Variants in SASH1 observed in about 807,000 individuals in gnomAD.
The protein encoded by SASH1 is SAM and SH3 domain containing 1, also known as SAM and SH3 domain-containing protein 1.
SASH1 carries 44 observed loss-of-function variants against 125.2 expected under a neutral mutation model. The observed-to-expected ratio is 0.35, with a 90% CI of 0.28 to 0.45. The LOEUF (loss-of-function observed/expected upper bound fraction) is 0.45, where lower values mean the gene tolerates loss of function less well. Among genes scored for constraint, SASH1 ranks in the 20% least tolerant of loss-of-function variants. The pLI is 1.00. For synonymous variants in SASH1, 639 were observed against 649.1 expected, an observed-to-expected ratio of 0.98 and a Z score of 0.24; for missense variants, 1,426 against 1,614.5, an observed-to-expected ratio of 0.88 and a Z score of 2.00.
At chr6:148,277,094 C>T (rs552595042) in intron 1 of SASH1, among the ~76,000 whole-genome samples, 6 of 152,242 alleles carry the variant, frequency 3.9e-5, no homozygotes, top group South Asian at 2.1e-4. Flanking sequence ...AGGGGACACA[C>T]GAATAGTCCC....
chr6:148,435,517 A>G (rs551854544), intron 2 of SASH1, among the ~76,000 whole-genome samples: 1 of 152,254 alleles, frequency 6.6e-6, no homozygotes, highest in African/African-American at 2.4e-5. Context: ...TGGAGTATCT[A>G]AATTTCATAA....
At position 148,484,341 on chromosome 6, in the gene SASH1, C is replaced by T. The variant is rs187706109; in HGVS notation, c.628-3273C>T. Reference sequence around the variant, plus strand: ...TGAGGGAATGTTTTTGCTTAAGACACACACACACACCTTAAAATGTCATTA... The same window carrying T: ...TGAGGGAATGTTTTTGCTTAAGACATACACACACACCTTAAAATGTCATTA... On this transcript the variant is annotated intron_variant, in intron 7 of 19. Coordinates refer to ENST00000367467, the MANE Select transcript of SASH1 (RefSeq NM_015278.5). Among the ~76,000 whole-genome samples the T allele has an allele frequency of 4.7e-4, 71 of 152,126 alleles. No individual in the cohort carries two copies. In the East Asian group the frequency reaches 0.011, roughly 23 times the overall value.
intron 8 of SASH1, among the ~76,000 whole-genome samples, chr6:148,494,219 T>C (rs1274548801): frequency 6.6e-6 from 1 of 152,168 alleles, no homozygotes; most frequent in African/African-American, 2.4e-5. Context: ...GGCAATCTTA[T>C]TTAAAATTTT....
At chr6:148,294,153 G>A (rs771832830) in intron 1 of SASH1, among the ~76,000 whole-genome samples, 7 of 152,238 alleles carry the variant, frequency 4.6e-5, no homozygotes, top group Non-Finnish European at 1.0e-4. Flanking sequence ...TTTCTAAAGA[G>A]GCGTGCTTGG....
intron 2 of SASH1, among the ~76,000 whole-genome samples, chr6:148,402,258 T>G (rs1483961367): frequency 2.6e-5 from 4 of 152,164 alleles, no homozygotes; most frequent in African/African-American, 9.7e-5. Context: ...AAAAACAAAG[T>G]ATGGGAAGGC....
At chr6:148,353,208 T>C (rs1266692663) in intron 1 of SASH1, among the ~76,000 whole-genome samples, 1 of 151,566 alleles carries the variant, frequency 6.6e-6, no homozygotes, top group African/African-American at 2.4e-5. Context: ...GCTGAGACTA[T>C]AGGCGTGCAT....
chr6:148,443,908 G>A (rs957838215), intron 4 of SASH1, among the ~76,000 whole-genome samples: 3 of 152,212 alleles, frequency 2.0e-5, no homozygotes. Context: ...GGGTGACCTG[G>A]CGAACCAGTT....
chr6:148,328,299 ATTAG>A (rs1248097555), intron 1 of SASH1, among the ~76,000 whole-genome samples: 1 of 152,152 alleles, frequency 6.6e-6, no homozygotes, highest in Non-Finnish European at 1.5e-5. Context: ...TAATTTAATT[ATTAG>A]TTAAAAATAG....
intron 1 of SASH1, among the ~76,000 whole-genome samples, chr6:148,349,824 C>G (rs902773585): frequency 6.6e-6 from 1 of 151,504 alleles, no homozygotes; most frequent in African/African-American, 2.4e-5. Flanking sequence ...TTAGAGATGT[C>G]GTATGCCTTG....
rs1449586134 is a variant in SASH1 at position 148,549,429 on chromosome 6, G to A, written c.*871G>A. ...TGTGTGCGTGCGTGCGTGCGCGTGT[G>A]TGTCTGTATTCATAGTGACTGCTTT... On this transcript the variant is annotated 3_prime_UTR_variant, in exon 20 of 20. Coordinates refer to ENST00000367467, the MANE Select transcript of SASH1 (RefSeq NM_015278.5). 5.1e-6 allele frequency: 2 copies of A among 393,902 alleles called. No individual in the cohort carries two copies. The highest frequency in any genetic ancestry group is 4.1e-5 in the African/African-American group (2 of 48,556). The allele number at this position is 393,902 out of a possible 1,614,324, so 24.4% of individuals were successfully genotyped here.
At position 148,283,689 on chromosome 6, in the gene SASH1, A is replaced by G. The variant is rs181860621; in HGVS notation, n.74+11312A>G. ...TTTGGGAGGCTGAGGCAGGAGAATC[A>G]TTTGAACCCGAGAGACGGAGGTTGC... On this transcript the variant is annotated intron_variant and non_coding_transcript_variant, in intron 1 of 3. Coordinates refer to the SASH1 transcript ENST00000367469. 3.4e-3 allele frequency among the ~76,000 whole-genome samples: 516 copies of G among 152,070 alleles called. 4 individuals are homozygous for G. The highest frequency in any genetic ancestry group is 0.011 in the African/African-American group (450 of 41,476).
At chr6:148,543,624 C>T in intron 17 of SASH1, 56 bp from the exon 18 acceptor site, 1 of 1,422,370 alleles carries the variant, frequency 7.0e-7, no homozygotes, top group Non-Finnish European at 9.5e-7. Context: ...CTTTATGCAT[C>T]CGTTTGATTG....
chr6:148,360,224 T>C (rs79378354), intron 1 of SASH1, among the ~76,000 whole-genome samples: 2,977 of 152,190 alleles, frequency 0.02, 91 homozygotes, highest in African/African-American at 0.068. Context: ...TTTTTTTTTT[T>C]AATCTAGTCA....
chr6:148,509,960 G>A (rs1322630251), intron 8 of SASH1, among the ~76,000 whole-genome samples: 1 of 152,214 alleles, frequency 6.6e-6, no homozygotes, highest in Non-Finnish European at 1.5e-5. Flanking sequence ...CCTCCTCCGG[G>A]TGCCAGACGG....
chr6:148,514,496 C>T, intron 9 of SASH1, 40 bp downstream of exon 9: 1 of 1,352,436 alleles, frequency 7.4e-7, no homozygotes, highest in Non-Finnish European at 9.6e-7. Flanking sequence ...AGGCAGACTC[C>T]ACCCTGGTTA....
chr6:148,390,155 G>C lies in SASH1; in HGVS notation c.178G>C (p.Asp60His). 6.2e-7 allele frequency: 1 copy of C among 1,613,470 alleles called. No individual in the cohort carries two copies. Among genetic ancestry groups the C allele is most frequent in the Non-Finnish European group, 8.5e-7 (1 of 1,179,688 alleles). ...TCAGGACGGTTCACTGGGAAACATC[G>C]ATGACCTGGCGCAGCAGTATGCAGA... ...GILDGSLGNI[D>H]DLAQQYADYY... The change falls in exon 2 of 20, where the codon GAT becomes CAT. Residue 60 changes from aspartate to histidine, a missense_variant. Around this residue, in one of 3 missense-constraint regions of SASH1, gnomAD observed 567 missense variants for 575.6 expected, o/e 0.99. Coordinates refer to ENST00000367467, the MANE Select transcript of SASH1 (RefSeq NM_015278.5).
chr6:148,342,872 G>C lies in SASH1; in HGVS notation c.-196G>C, dbSNP rs1250718709. The C allele has an allele frequency of 1.3e-5, 3 of 239,850 alleles. No homozygotes were observed. The highest frequency in any genetic ancestry group is 3.6e-4 in the East Asian group (2 of 5,578). The allele number at this position is 239,850 out of a possible 1,614,324, so 14.9% of individuals were successfully genotyped here. A position where few individuals can be genotyped will look rare whatever the true frequency, so the allele number is the denominator to read the frequency against. On this transcript the variant is annotated 5_prime_UTR_variant, in exon 1 of 20. Transcript: ENST00000367467. ...TCTGGAGTTGTCAGTCGCGCAGCCC[G>C]TGGCCACCTAGACCCGAGGTGCGGG...
the SASH1 span, among the ~76,000 whole-genome samples, chr6:148,253,801 G>A: frequency 2.0e-5 from 3 of 152,004 alleles, no homozygotes; most frequent in African/African-American, 7.2e-5. Flanking sequence ...GAATCTGGAA[G>A]GCAGAGGATG....
chr6:148,211,982 C>G, the SASH1 span, among the ~76,000 whole-genome samples: 1 of 152,204 alleles, frequency 6.6e-6, no homozygotes, highest in Non-Finnish European at 1.5e-5. Context: ...AAGCCGCTCT[C>G]GGGCATACTT....
Sources: gnomAD v4.1 joint callset for allele counts (sites outside exome capture counted in the v4.1 genomes callset) on GRCh38, gnomAD v4.1.1 for gene constraint, gnomAD v4.1.1 regional missense constraint, MANE v1.5 for transcripts, NCBI Gene and HGNC (gene_info 2026-07-23, HGNC 2026-07-21) for gene names.